Variants in ESRRG observed in about 807,000 individuals in gnomAD.
ESRRG encodes the protein estrogen-related receptor gamma.
In ESRRG, 13 loss-of-function variants were observed where a neutral mutation model predicts 44.0. The ratio of observed to expected loss-of-function variants is 0.30; its 90% confidence interval spans 0.19 to 0.47. The LOEUF (loss-of-function observed/expected upper bound fraction) is 0.47, where lower values mean the gene tolerates loss of function less well. Ranked by LOEUF, ESRRG falls within the 20% of genes least tolerant of loss-of-function variation. The pLI, the probability that ESRRG is intolerant of heterozygous loss-of-function variation, is 1.00. For missense variants in ESRRG, 395 were observed against 580.6 expected (o/e 0.68, Z 3.29); for synonymous variants, 215 against 214.6 (o/e 1.00, Z -0.02).
intron 2 of ESRRG, among the ~76,000 whole-genome samples, chr1:216,886,906 G>C (rs2096525423): frequency 6.6e-6 from 1 of 151,872 alleles, no homozygotes; most frequent in Non-Finnish European, 1.5e-5. Flanking sequence ...TTGTTTGTTT[G>C]TTTGTACTTT....
intron 2 of ESRRG, among the ~76,000 whole-genome samples, chr1:216,815,094 A>G (rs957618494): frequency 6.6e-6 from 1 of 152,208 alleles, no homozygotes; most frequent in East Asian, 1.9e-4. Context: ...CATGAAAGCC[A>G]GGAAATGTGA....
chr1:216,801,532 T>G (rs749258468), intron 2 of ESRRG, among the ~76,000 whole-genome samples: 10 of 152,158 alleles, frequency 6.6e-5, no homozygotes, highest in Admixed American at 5.2e-4. Flanking sequence ...GTATTTACAA[T>G]GGGGGCACCA....
At chr1:216,619,239 G>A (rs534278133) in intron 3 of ESRRG, among the ~76,000 whole-genome samples, 1 of 152,316 alleles carries the variant, frequency 6.6e-6, no homozygotes, top group East Asian at 1.9e-4. Flanking sequence ...ATGTGTGGAA[G>A]AGGGAACATT....
intron 1 of ESRRG, among the ~76,000 whole-genome samples, chr1:216,700,879 G>A (rs2081267278): frequency 6.6e-6 from 1 of 152,136 alleles, no homozygotes; most frequent in Non-Finnish European, 1.5e-5. Flanking sequence ...TCTTTACTTT[G>A]CTTTCCCCCT....
At chr1:216,560,831 G>A (rs186890632) in intron 5 of ESRRG, among the ~76,000 whole-genome samples, 1 of 152,280 alleles carries the variant, frequency 6.6e-6, no homozygotes, top group African/African-American at 2.4e-5. Context: ...GCTTATCCGA[G>A]CGCGGACGAA....
At chr1:216,583,363 A>G (rs965307166) in intron 3 of ESRRG, among the ~76,000 whole-genome samples, 2 of 152,236 alleles carry the variant, frequency 1.3e-5, no homozygotes, top group East Asian at 3.9e-4. Flanking sequence ...CACTTCAGCA[A>G]GGCCTCTGAC....
At chr1:217,085,787 C>G (rs990852684) in intron 1 of ESRRG, among the ~76,000 whole-genome samples, 2 of 152,126 alleles carry the variant, frequency 1.3e-5, no homozygotes, top group Middle Eastern at 3.4e-3. Flanking sequence ...GCCACTGTGC[C>G]CAGCCGAGAA....
chr1:216,707,248 T>C, intron 1 of ESRRG: 1 of 1,215,916 alleles, frequency 8.2e-7, no homozygotes, highest in Non-Finnish European at 1.1e-6. Flanking sequence ...TTTTTTCTTT[T>C]CATTAATCAG....
chr1:216,813,072 T>C (rs2148492894), intron 2 of ESRRG, among the ~76,000 whole-genome samples: 1 of 152,310 alleles, frequency 6.6e-6, no homozygotes, highest in Non-Finnish European at 1.5e-5. Context: ...AGAATTAAGC[T>C]GGATGCAGTT....
At chr1:216,586,376 ATAGT>A (rs1472091975) in intron 3 of ESRRG, among the ~76,000 whole-genome samples, 5 of 152,240 alleles carry the variant, frequency 3.3e-5, no homozygotes, top group Non-Finnish European at 7.3e-5. Flanking sequence ...TGTAAAAATA[ATAGT>A]TAATGTTTTC....
chr1:216,584,930 T>C (rs2063486355), intron 3 of ESRRG, among the ~76,000 whole-genome samples: 1 of 152,226 alleles, frequency 6.6e-6, no homozygotes, highest in Non-Finnish European at 1.5e-5. Flanking sequence ...ATGGTAAGTA[T>C]TAAACCTTTC....
intron 2 of ESRRG, among the ~76,000 whole-genome samples, chr1:216,918,974 A>G (rs2061506486): frequency 6.6e-6 from 1 of 151,726 alleles, no homozygotes; most frequent in Non-Finnish European, 1.5e-5. Context: ...TGAATATCAA[A>G]TGCATAATAT....
intron 2 of ESRRG, chr1:216,864,928 C>G (rs1164986399): frequency 6.6e-6 from 1 of 151,986 alleles, no homozygotes; most frequent in Admixed American, 6.6e-5. Context: ...ATCACAGAGG[C>G]TCAAAGCTGG....
chr1:216,616,007 G>T (rs977394832), intron 3 of ESRRG, among the ~76,000 whole-genome samples: 3 of 152,092 alleles, frequency 2.0e-5, no homozygotes, highest in Non-Finnish European at 4.4e-5. Flanking sequence ...TTCTAGGCAA[G>T]GTCTCCACCT....
rs116033394 is a variant in ESRRG, at chr1:216,638,516, C to T, written c.589+12457G>A. On this transcript the variant is annotated intron_variant, in intron 3 of 6. Coordinates refer to ENST00000408911, the MANE Select transcript of ESRRG (RefSeq NM_001438.4). ...GGGCTCAATCAATAGTCACAGACTC[C>T]ATTTGACCCAGAGTCTATGCTCTTA... Among the ~76,000 whole-genome samples, 1,238 of 152,274 alleles carry T rather than the reference C, an allele frequency of 8.1e-3. 17 individuals carry two copies. Among genetic ancestry groups the T allele is most frequent in the African/African-American group, 0.028 (1,182 of 41,542 alleles).
chr1:216,883,115 C>T (rs932147311), intron 2 of ESRRG, among the ~76,000 whole-genome samples: 83 of 152,212 alleles, frequency 5.5e-4, no homozygotes, highest in African/African-American at 1.9e-3. Flanking sequence ...CAGTGGCTCA[C>T]GCCTGTAATC....
At chr1:217,056,288 C>G (rs907017544) in intron 1 of ESRRG, among the ~76,000 whole-genome samples, 1 of 152,108 alleles carries the variant, frequency 6.6e-6, no homozygotes, top group Non-Finnish European at 1.5e-5. Flanking sequence ...AGCTAGTCTA[C>G]TTTGGCCAAT....
chr1:217,084,488 C>T (rs1403405511), intron 1 of ESRRG, among the ~76,000 whole-genome samples: 1 of 152,090 alleles, frequency 6.6e-6, no homozygotes, highest in Non-Finnish European at 1.5e-5. Context: ...CTTAAATGAG[C>T]CACTCTATAA....
intron 1 of ESRRG, among the ~76,000 whole-genome samples, chr1:217,019,704 T>C (rs1357893171): frequency 6.6e-6 from 1 of 152,190 alleles, no homozygotes; most frequent in Non-Finnish European, 1.5e-5. Context: ...ATCATTTTTG[T>C]CTTTATAGAA....
Sources: gnomAD v4.1 joint callset for allele counts (sites outside exome capture counted in the v4.1 genomes callset) on GRCh38, gnomAD v4.1.1 for gene constraint, MANE v1.5 for transcripts, NCBI Gene and HGNC (gene_info 2026-07-23, HGNC 2026-07-21) for gene names.